The following FREM3 variants were observed in gnomAD, a reference collection of about 807,000 sequenced individuals.
The protein encoded by FREM3 is FRAS1-related extracellular matrix protein 3.
A neutral mutation model predicts 129.1 loss-of-function variants in FREM3; 105 were observed. The observed-to-expected ratio is 0.81, with a 90% CI of 0.69 to 0.96. The LOEUF (loss-of-function observed/expected upper bound fraction) is 0.96, where lower values mean the gene tolerates loss of function less well. FREM3 is among the 40% of genes least tolerant of loss of function. The pLI, the probability that FREM3 is intolerant of heterozygous loss-of-function variation, is 0.00. For synonymous variants in FREM3, 1,014 were observed against 1,044.9 expected (o/e 0.97, Z 0.57); for missense variants, 2,593 against 2,666.3 (o/e 0.97, Z 0.61).
chr4:143,677,214 A>G lies in FREM3; in HGVS notation c.5275+15899T>C, dbSNP rs1469164558. The stretch of plus-strand genomic sequence containing the variant: ...ACAGAGATATAGACCAATGGAACAG[A>G]ACAGAGCCCTCAGAAATAATACCAC... On this transcript the variant is annotated intron_variant, in intron 2 of 7. Transcript: ENST00000329798. Among the ~76,000 whole-genome samples, 7 of 152,314 alleles carry G rather than the reference A, an allele frequency of 4.6e-5. No individual in the cohort carries two copies. In the South Asian group the frequency reaches 1.2e-3, roughly 27 times the overall value.
intron 2 of FREM3, among the ~76,000 whole-genome samples, chr4:143,643,364 T>C (rs1447616490): frequency 6.6e-6 from 1 of 152,078 alleles, no homozygotes; most frequent in Non-Finnish European, 1.5e-5. Flanking sequence ...ATTGGATCAG[T>C]GTAAGTGTCC....
rs542274901 is a variant in FREM3 at position 143,664,876 on chromosome 4, G to A, written c.5275+28237C>T. Among the ~76,000 whole-genome samples the A allele has an allele frequency of 1.3e-3, 202 of 152,284 alleles. 1 individual carries two copies. Among genetic ancestry groups the A allele is most frequent in the Non-Finnish European group, 2.1e-3 (140 of 68,012 alleles). Reference sequence around the variant, plus strand: ...TAGCAATCAGCGAGACTCCGTGGGCGTAGGACCCTCCAAGTCAGGTGCGGG... The same window carrying A: ...TAGCAATCAGCGAGACTCCGTGGGCATAGGACCCTCCAAGTCAGGTGCGGG... On this transcript the variant is annotated intron_variant, in intron 2 of 7. Transcript: ENST00000329798.
chr4:143,648,087 A>C (rs1739450381), intron 2 of FREM3, among the ~76,000 whole-genome samples: 1 of 152,216 alleles, frequency 6.6e-6, no homozygotes, highest in Non-Finnish European at 1.5e-5. Flanking sequence ...TGAGACATAG[A>C]GTCAAAGGAG....
intron 2 of FREM3, among the ~76,000 whole-genome samples, chr4:143,658,428 T>C (rs1037379320): frequency 6.6e-6 from 1 of 152,202 alleles, no homozygotes; most frequent in African/African-American, 2.4e-5. Context: ...GTCTGGAGAC[T>C]TCTCAGTCTC....
chr4:143,611,520 G>T lies in FREM3; in HGVS notation c.5787C>A (p.Ala1929=). ...IVICSTRQGS[A]TGTISSTVLF... ...ACACTGTGGAAGAAATCGTGCCTGTGGCAGAACCTACAGAAATATGAGAAG... is the reference window on the plus strand; with the variant it reads ...ACACTGTGGAAGAAATCGTGCCTGTTGCAGAACCTACAGAAATATGAGAAG... The change falls in exon 6 of 8, where the codon GCC becomes GCA. Residue 1929 remains alanine (A), a synonymous_variant. Coordinates refer to ENST00000329798, the MANE Select transcript of FREM3 (RefSeq NM_001168235.2). 1 of 1,536,786 alleles carries T rather than the reference G, an allele frequency of 6.5e-7. No individual in the cohort carries two copies. Among genetic ancestry groups the T allele is most frequent in the South Asian group, 1.2e-5 (1 of 83,984 alleles).
Position 143,695,875 on chromosome 4 carries a change from G to C in FREM3, c.4801C>G (p.Leu1601Val), listed in dbSNP as rs773053656. The C allele has an allele frequency of 1.9e-4, 287 of 1,537,530 alleles. No homozygotes were observed. Among genetic ancestry groups the C allele is most frequent in the African/African-American group, 3.1e-4 (23 of 73,134 alleles). ...TTGTAGCTAATCAGGTTCTTGTTCAGGTCTTGCTTGGTGAAAGTGGTCACG... is the reference window on the plus strand; with the variant it reads ...TTGTAGCTAATCAGGTTCTTGTTCACGTCTTGCTTGGTGAAAGTGGTCACG... ...RPVTTFTKQD[L>V]NKNLISYKHD... Residue 1601 changes from leucine to valine, a missense_variant, in exon 1 of 8, where the codon CTG (leucine) becomes GTG (valine). Coordinates refer to ENST00000329798, the MANE Select transcript of FREM3 (RefSeq NM_001168235.2).
chr4:143,623,083 A>G (rs758773250), intron 4 of FREM3, among the ~76,000 whole-genome samples: 2 of 152,238 alleles, frequency 1.3e-5, no homozygotes, highest in Admixed American at 6.5e-5. Flanking sequence ...GTTTTAAGAA[A>G]ACTGGAACTT....
chr4:143,644,846 G>C (rs758717104), intron 2 of FREM3, among the ~76,000 whole-genome samples: 2 of 152,122 alleles, frequency 1.3e-5, no homozygotes, highest in Non-Finnish European at 2.9e-5. Flanking sequence ...GTTATATTAG[G>C]GTAGGTGGCC....
intron 2 of FREM3, among the ~76,000 whole-genome samples, chr4:143,666,774 A>G (rs752255954): frequency 1.3e-5 from 2 of 151,492 alleles, no homozygotes; most frequent in Admixed American, 1.3e-4. Context: ...GTTTGGAGTG[A>G]TGGAAGGTTG....
At chr4:143,582,366 C>T (rs965790845) in intron 7 of FREM3, among the ~76,000 whole-genome samples, 1 of 152,034 alleles carries the variant, frequency 6.6e-6, no homozygotes, top group Admixed American at 6.6e-5. Flanking sequence ...TACACTTACA[C>T]GCCATCTACT....
At chr4:143,642,876 G>A (rs1378935300) in intron 2 of FREM3, among the ~76,000 whole-genome samples, 1 of 152,020 alleles carries the variant, frequency 6.6e-6, no homozygotes, top group East Asian at 1.9e-4. Context: ...ATCTGACAAG[G>A]AGTTAATATA....
Position 143,577,478 on chromosome 4 carries a change from T to C in FREM3, c.*133A>G. 3 of 814,240 alleles carry C rather than the reference T, an allele frequency of 3.7e-6. No homozygotes were observed. Among genetic ancestry groups the C allele is most frequent in the Non-Finnish European group, 5.6e-6 (3 of 533,912 alleles). 50.4% of individuals were successfully genotyped at this position (814,240 alleles called of 1,614,324 possible). A position where few individuals can be genotyped will look rare whatever the true frequency, so the allele number is the denominator to read the frequency against. ...CAGTCATATAAATTACATTTCCACA[T>C]ATCACCAGAATATAACACCAATGAC... On this transcript the variant is annotated 3_prime_UTR_variant, in exon 8 of 8. Coordinates refer to ENST00000329798, the MANE Select transcript of FREM3 (RefSeq NM_001168235.2).
chr4:143,614,470 G>T (rs1475079364), intron 5 of FREM3, among the ~76,000 whole-genome samples: 1 of 152,208 alleles, frequency 6.6e-6, no homozygotes, highest in East Asian at 1.9e-4. Flanking sequence ...CAGTGAAGAG[G>T]CTTCAAGGAG....
At chr4:143,599,409 C>G (rs1375408257) in intron 6 of FREM3, among the ~76,000 whole-genome samples, 5 of 152,162 alleles carry the variant, frequency 3.3e-5, no homozygotes, top group Non-Finnish European at 7.3e-5. Context: ...CACTTTAACT[C>G]TCTGGGCCTT....
At chr4:143,593,996 C>T (rs942847970) in intron 6 of FREM3, among the ~76,000 whole-genome samples, 10 of 152,160 alleles carry the variant, frequency 6.6e-5, no homozygotes, top group South Asian at 2.1e-4. Flanking sequence ...TAGCAATGAG[C>T]GAGGCTCTGT....
intron 2 of FREM3, among the ~76,000 whole-genome samples, chr4:143,684,556 G>A (rs933838281): frequency 2.6e-5 from 4 of 152,074 alleles, no homozygotes; most frequent in East Asian, 1.9e-4. Flanking sequence ...CAAATGAGAA[G>A]GAACCAGAAA....
intron 2 of FREM3, among the ~76,000 whole-genome samples, chr4:143,668,237 G>A (rs538990531): frequency 6.6e-6 from 1 of 152,266 alleles, no homozygotes; most frequent in South Asian, 2.1e-4. Flanking sequence ...TACAAGCTGG[G>A]TCAAAGAAAT....
chr4:143,599,115 T>C (rs1307638040), intron 6 of FREM3, among the ~76,000 whole-genome samples: 2 of 152,134 alleles, frequency 1.3e-5, no homozygotes, highest in African/African-American at 4.8e-5. Flanking sequence ...AAGAAAAGTG[T>C]AGGAGGGTCT....
In FREM3 at chr4:143,697,534, C is replaced by T; in HGVS notation, c.3142G>A (p.Val1048Met). ...ACTTTCTCTATTATGCTATTCCCCA[C>T]TACCCATTGGTAAGAATCTTTGGAG... is the stretch of plus-strand genomic sequence containing the variant. ...ILSKDSYQWV[V>M]GNSIIEKVQV... The change falls in exon 1 of 8, where the codon GTG becomes ATG. Residue 1048 changes from valine to methionine, a missense_variant. This residue lies in a region of FREM3 where 2,276 missense variants were observed against 2,267.2 expected (regional missense o/e 1.00). Coordinates refer to ENST00000329798, the MANE Select transcript of FREM3 (RefSeq NM_001168235.2). The T allele has an allele frequency of 2.6e-6, 4 of 1,537,374 alleles. No homozygotes were observed. Among genetic ancestry groups the T allele is most frequent in the Non-Finnish European group, 3.5e-6 (4 of 1,146,948 alleles).
Sources: allele counts gnomAD v4.1 joint callset (sites outside exome capture counted in the v4.1 genomes callset), GRCh38; gene constraint gnomAD v4.1.1; regional missense constraint gnomAD v4.1.1; transcripts MANE v1.5; gene names NCBI Gene and HGNC (gene_info 2026-07-23, HGNC 2026-07-21).